PLPPR1: variants seen among roughly 807,000 people sequenced by gnomAD.
The protein encoded by PLPPR1 is phospholipid phosphatase related 1.
A neutral mutation model predicts 33.1 loss-of-function variants in PLPPR1; 10 were observed. The ratio of observed to expected loss-of-function variants is 0.30; its 90% confidence interval spans 0.19 to 0.51. The LOEUF (loss-of-function observed/expected upper bound fraction) is 0.51, where lower values mean the gene tolerates loss of function less well. Ranked by LOEUF, PLPPR1 falls within the 20% of genes least tolerant of loss-of-function variation. The pLI is 0.97. For missense variants in PLPPR1, 304 were observed against 408.1 expected, an observed-to-expected ratio of 0.74 and a Z score of 2.20; for synonymous variants, 151 against 151.0, an observed-to-expected ratio of 1.00 and a Z score of 0.00.
chr9:101,091,140 G>T (rs1830736141), intron 1 of PLPPR1, among the ~76,000 whole-genome samples: 1 of 152,056 alleles, frequency 6.6e-6, no homozygotes, highest in Non-Finnish European at 1.5e-5. Flanking sequence ...AATGTGTTTA[G>T]AAGTGAATCA....
intron 7 of PLPPR1, among the ~76,000 whole-genome samples, chr9:101,321,995 C>T (rs1829159433): frequency 6.8e-6 from 1 of 148,130 alleles, no homozygotes; most frequent in African/African-American, 2.5e-5. Context: ...GTCAGGAGTT[C>T]AAGACCAGCC....
chr9:101,198,414 G>T (rs1826436968), intron 2 of PLPPR1, among the ~76,000 whole-genome samples: 1 of 152,112 alleles, frequency 6.6e-6, no homozygotes. Flanking sequence ...GATTATTAAC[G>T]GAGTCACAAC....
chr9:101,304,302 C>T (rs1298096360), intron 4 of PLPPR1, among the ~76,000 whole-genome samples: 1 of 152,198 alleles, frequency 6.6e-6, no homozygotes, highest in Non-Finnish European at 1.5e-5. Flanking sequence ...GGACAAGTTT[C>T]TATGCTCTTT....
At chr9:101,125,570 C>T (rs1831235491) in intron 1 of PLPPR1, 1 of 510,694 alleles carries the variant, frequency 2.0e-6, no homozygotes, top group South Asian at 1.8e-5. Context: ...CTGCCTAAAG[C>T]AGGAAAACCA....
chr9:101,231,702 A>G (rs189053883), intron 2 of PLPPR1, among the ~76,000 whole-genome samples: 33 of 152,220 alleles, frequency 2.2e-4, no homozygotes, highest in Admixed American at 1.6e-3. Context: ...TTGTGTCACC[A>G]CAATAATAAA....
intron 1 of PLPPR1, among the ~76,000 whole-genome samples, chr9:101,047,567 A>G (rs1342829022): frequency 3.3e-5 from 5 of 152,118 alleles, no homozygotes; most frequent in African/African-American, 7.2e-5. Context: ...TCATCAGCCC[A>G]AGCAGTCTCC....
intron 1 of PLPPR1, among the ~76,000 whole-genome samples, chr9:101,029,409 G>A (rs1319617740): frequency 6.6e-6 from 1 of 152,216 alleles, no homozygotes; most frequent in Non-Finnish European, 1.5e-5. Flanking sequence ...CCTCCGTCCC[G>A]TTCCACCCTC....
In PLPPR1 at chr9:101,324,389, C is replaced by CATA. The variant is rs144020969; in HGVS notation, c.*333_*334insTAA. 4 of 185,670 alleles carry CATA rather than the reference C, an allele frequency of 2.2e-5. No individual in the cohort carries two copies. The South Asian group carries it at 7.5e-4, about 35-fold the overall frequency. 11.5% of individuals were successfully genotyped at this position (185,670 alleles called of 1,614,324 possible). A position where few individuals can be genotyped will look rare whatever the true frequency, so the allele number is the denominator to read the frequency against. On this transcript the variant is annotated 3_prime_UTR_variant, in exon 8 of 8. Coordinates refer to ENST00000374874, the MANE Select transcript of PLPPR1 (RefSeq NM_207299.2). ...TTTTCTTTTCTCAGTTTTATAAACACAGAATATAACAATTCACTTTAAACT... is the reference window on the plus strand; with the variant it reads ...TTTTCTTTTCTCAGTTTTATAAACACATAAGAATATAACAATTCACTTTAAACT...
chr9:101,286,883 T>C (rs1828403853), intron 4 of PLPPR1, among the ~76,000 whole-genome samples: 1 of 152,214 alleles, frequency 6.6e-6, no homozygotes, highest in Non-Finnish European at 1.5e-5. Context: ...TTAAGTACTC[T>C]ATAAATGATA....
intron 7 of PLPPR1, among the ~76,000 whole-genome samples, chr9:101,322,231 C>T (rs1479038177): frequency 1.1e-5 from 1 of 92,122 alleles, no homozygotes; most frequent in African/African-American, 3.9e-5. Flanking sequence ...AAAAAAAAGA[C>T]AGAAATCAGG....
intron 4 of PLPPR1, among the ~76,000 whole-genome samples, chr9:101,305,524 G>A (rs530167747): frequency 7.8e-4 from 118 of 152,158 alleles, no homozygotes; most frequent in African/African-American, 2.7e-3. Context: ...CAGACTTTCC[G>A]GGCCTAAAAG....
At chr9:101,309,911 C>T (rs1828926196) in intron 5 of PLPPR1, among the ~76,000 whole-genome samples, 1 of 152,162 alleles carries the variant, frequency 6.6e-6, no homozygotes, top group South Asian at 2.1e-4. Context: ...TGAATGACTG[C>T]TCCAACAACA....
intron 1 of PLPPR1, among the ~76,000 whole-genome samples, chr9:101,031,524 C>T (rs1829945028): frequency 6.6e-6 from 1 of 152,168 alleles, no homozygotes; most frequent in African/African-American, 2.4e-5. Context: ...TGGATTTTCT[C>T]ACCATTCAGA....
At position 101,124,854 on chromosome 9, in the gene PLPPR1, G is replaced by A. The variant is rs189900244; in HGVS notation, c.-45-60596G>A. 5.3e-4 allele frequency among the ~76,000 whole-genome samples: 80 copies of A among 152,224 alleles called. 1 individual carries two copies. Among genetic ancestry groups the A allele is most frequent in the Admixed American group, 4.7e-3 (72 of 15,294 alleles). ...GACCATATTTTTTTCTAAGGCCTGC[G>A]GCCTTAAGATGAGTTAACGAATGGA... On this transcript the variant is annotated intron_variant, in intron 1 of 7. Transcript: ENST00000374874.
At chr9:101,219,646 G>A (rs1168963928) in intron 2 of PLPPR1, among the ~76,000 whole-genome samples, 4 of 152,128 alleles carry the variant, frequency 2.6e-5, no homozygotes, top group Non-Finnish European at 5.9e-5. Context: ...TTTTGACTGT[G>A]CTGCTCCTCA....
At chr9:101,045,252 C>T (rs1189562653) in intron 1 of PLPPR1, among the ~76,000 whole-genome samples, 1 of 152,220 alleles carries the variant, frequency 6.6e-6, no homozygotes, top group Non-Finnish European at 1.5e-5. Context: ...GAAAATTCAA[C>T]TGGATGAATA....
At chr9:101,282,959 C>T (rs1390412559) in intron 3 of PLPPR1, among the ~76,000 whole-genome samples, 1 of 152,132 alleles carries the variant, frequency 6.6e-6, no homozygotes, top group Non-Finnish European at 1.5e-5. Context: ...TTTAATACTA[C>T]ATGAAGCAAT....
intron 2 of PLPPR1, chr9:101,188,007 A>G (rs1826233168): frequency 6.6e-6 from 1 of 152,176 alleles, no homozygotes. Flanking sequence ...AAAATTTTAC[A>G]TAAATGACAC....
At chr9:101,156,275 C>T (rs1487443888) in intron 1 of PLPPR1, among the ~76,000 whole-genome samples, 1 of 151,934 alleles carries the variant, frequency 6.6e-6, no homozygotes, top group Non-Finnish European at 1.5e-5. Context: ...GAAGGCCAGG[C>T]ATGGTGGCTC....
Sources: allele counts gnomAD v4.1 joint callset (sites outside exome capture counted in the v4.1 genomes callset), GRCh38; gene constraint gnomAD v4.1.1; transcripts MANE v1.5; gene names NCBI Gene and HGNC (gene_info 2026-07-23, HGNC 2026-07-21).